Variants in SCHIP1 observed in about 807,000 individuals in gnomAD.
The protein encoded by SCHIP1 is schwannomin interacting protein 1, also known as schwannomin-interacting protein 1.
A neutral mutation model predicts 29.7 loss-of-function variants in SCHIP1; 8 were observed. The ratio of observed to expected loss-of-function variants is 0.27; its 90% CI spans 0.16 to 0.49. The LOEUF (loss-of-function observed/expected upper bound fraction) is 0.49. SCHIP1 is among the 20% of genes least tolerant of loss of function. SCHIP1 has a pLI of 0.99. For synonymous variants in SCHIP1, 76 were observed against 94.9 expected (o/e 0.80, Z 1.16); for missense variants, 193 against 294.6 (o/e 0.66, Z 2.52).
At chr3:159,483,645 C>T in the SCHIP1 span, among the ~76,000 whole-genome samples, 1 of 152,142 alleles carries the variant, frequency 6.6e-6, no homozygotes, top group African/African-American at 2.4e-5. Context: ...TAAATCAACA[C>T]ACTATTCAGA....
At chr3:159,424,238 C>T in the SCHIP1 span, among the ~76,000 whole-genome samples, 1 of 151,870 alleles carries the variant, frequency 6.6e-6, no homozygotes, top group South Asian at 2.1e-4. Context: ...GATGATCAAA[C>T]TACGAACTAC....
At chr3:159,704,306 G>A in the SCHIP1 span, among the ~76,000 whole-genome samples, 1 of 151,136 alleles carries the variant, frequency 6.6e-6, no homozygotes, top group Non-Finnish European at 1.5e-5. Flanking sequence ...ATGGTGGCAT[G>A]CACCTATAGT....
chr3:159,734,918 C>T, the SCHIP1 span, among the ~76,000 whole-genome samples: 1 of 151,908 alleles, frequency 6.6e-6, no homozygotes, highest in Non-Finnish European at 1.5e-5. Context: ...TCCCCTGTGC[C>T]CATTCCCTTC....
the SCHIP1 span, among the ~76,000 whole-genome samples, chr3:159,332,637 A>G: frequency 1.3e-5 from 2 of 152,144 alleles, no homozygotes; most frequent in Non-Finnish European, 2.9e-5. Flanking sequence ...ATGACTTTCT[A>G]GTGGAATTTT....
At chr3:159,765,661 T>G in the SCHIP1 span, 1 of 152,786 alleles carries the variant, frequency 6.5e-6, no homozygotes, top group Non-Finnish European at 1.5e-5. Flanking sequence ...CGTCTTGTGT[T>G]AAGCAGATGC....
the SCHIP1 span, among the ~76,000 whole-genome samples, chr3:159,615,335 A>C: frequency 2.6e-5 from 4 of 152,214 alleles, no homozygotes; most frequent in Non-Finnish European, 5.9e-5. Context: ...TGGGATTTTA[A>C]GCAAGAGAGT....
chr3:159,356,993 A>G, the SCHIP1 span, among the ~76,000 whole-genome samples: 1 of 152,230 alleles, frequency 6.6e-6, no homozygotes, highest in African/African-American at 2.4e-5. Flanking sequence ...ATAAATCCGA[A>G]CAACCAACCT....
At chr3:159,371,381 C>T in the SCHIP1 span, among the ~76,000 whole-genome samples, 2 of 152,028 alleles carry the variant, frequency 1.3e-5, no homozygotes, top group African/African-American at 4.8e-5. Context: ...TTGTAGTTAC[C>T]TAACTAACTC....
the SCHIP1 span, among the ~76,000 whole-genome samples, chr3:159,550,487 G>T: frequency 6.6e-6 from 1 of 151,842 alleles, no homozygotes; most frequent in Non-Finnish European, 1.5e-5. Context: ...AAGACTTTTT[G>T]CTTTAAAGAC....
the SCHIP1 span, among the ~76,000 whole-genome samples, chr3:159,508,466 C>A: frequency 6.6e-6 from 1 of 152,050 alleles, no homozygotes; most frequent in Non-Finnish European, 1.5e-5. Flanking sequence ...TCTCTATTTC[C>A]TTCAGTTCTG....
chr3:159,498,836 G>A, the SCHIP1 span, among the ~76,000 whole-genome samples: 3 of 152,160 alleles, frequency 2.0e-5, no homozygotes, highest in Non-Finnish European at 4.4e-5. Flanking sequence ...TTGATTGCAA[G>A]TAGCAATCTT....
the SCHIP1 span, among the ~76,000 whole-genome samples, chr3:159,349,930 C>A: frequency 6.6e-6 from 1 of 152,112 alleles, no homozygotes; most frequent in African/African-American, 2.4e-5. Flanking sequence ...ACATTTTAGC[C>A]ACCTTACCTC....
At chr3:159,396,994 A>G in the SCHIP1 span, among the ~76,000 whole-genome samples, 1 of 143,222 alleles carries the variant, frequency 7.0e-6, no homozygotes. Context: ...ACATAGTCCC[A>G]TATTTCTTGG....
the SCHIP1 span, among the ~76,000 whole-genome samples, chr3:159,798,706 C>T: frequency 1.3e-5 from 2 of 151,710 alleles, no homozygotes; most frequent in African/African-American, 2.4e-5. Flanking sequence ...TGCAGTGAGC[C>T]GATATCATGC....
chr3:159,286,470 C>T, the SCHIP1 span, among the ~76,000 whole-genome samples: 1 of 152,226 alleles, frequency 6.6e-6, no homozygotes, highest in South Asian at 2.1e-4. Flanking sequence ...ATCCAGTCTA[C>T]TATTGACAGG....
chr3:159,325,984 T>G, the SCHIP1 span, among the ~76,000 whole-genome samples: 1 of 152,122 alleles, frequency 6.6e-6, no homozygotes, highest in Non-Finnish European at 1.5e-5. Flanking sequence ...ATTGGACACT[T>G]GTAATGTGCC....
chr3:159,426,750 G>A, the SCHIP1 span, among the ~76,000 whole-genome samples: 133 of 152,116 alleles, frequency 8.7e-4, 1 homozygote, highest in South Asian at 3.7e-3. Context: ...ATTTTAGACC[G>A]ATATCCTTGA....
At chr3:159,586,451 C>G in the SCHIP1 span, among the ~76,000 whole-genome samples, 3 of 152,176 alleles carry the variant, frequency 2.0e-5, no homozygotes, top group African/African-American at 7.2e-5. Context: ...ATGCAAATTG[C>G]CTTTACAGCT....
the SCHIP1 span, among the ~76,000 whole-genome samples, chr3:159,409,193 G>A: frequency 3.9e-5 from 6 of 151,902 alleles, no homozygotes; most frequent in Non-Finnish European, 8.8e-5. Context: ...AGTGAATGAG[G>A]AAAAACTAAA....
Sources: allele counts gnomAD v4.1 joint callset (sites outside exome capture counted in the v4.1 genomes callset), GRCh38; gene constraint gnomAD v4.1.1; transcripts MANE v1.5; gene names NCBI Gene and HGNC (gene_info 2026-07-23, HGNC 2026-07-21).